Variants in SIAE observed in about 807,000 individuals in gnomAD.
SIAE encodes the protein sialate O-acetylesterase.
A neutral mutation model predicts 52.6 loss-of-function variants in SIAE; 39 were observed. That is an observed-to-expected ratio of 0.74 (90% CI 0.57 to 0.97). The LOEUF (loss-of-function observed/expected upper bound fraction) is 0.97, where lower values mean the gene tolerates loss of function less well. Ranked by LOEUF, SIAE falls within the 50% of genes least tolerant of loss-of-function variation. SIAE has a pLI of 0.00. For synonymous variants in SIAE, 233 were observed against 241.4 expected (o/e 0.97, Z 0.32); for missense variants, 592 against 662.1 (o/e 0.89, Z 1.16).
rs756737712 is a variant in SIAE, at chr11:124,633,140, T to TA, written c.*3810dup. 2 of 152,202 alleles carry TA rather than the reference T, an allele frequency of 1.3e-5. No individual in the cohort carries two copies. The highest frequency in any genetic ancestry group is 2.9e-5 in the Non-Finnish European group (2 of 68,070). The allele number at this position is 152,202 out of a possible 1,614,324, so 9.4% of individuals were successfully genotyped here. ...GGATCTTTAACCTCTTTAACCTTTG[T>TA]ATTGCACCTCAGATAATGTGCTTTT... On this transcript the variant is annotated 3_prime_UTR_variant, in exon 10 of 10. Transcript: ENST00000263593.
chr11:124,640,780 G>T (rs1366590183), intron 7 of SIAE, among the ~76,000 whole-genome samples: 1 of 152,228 alleles, frequency 6.6e-6, no homozygotes, highest in Non-Finnish European at 1.5e-5. Context: ...AACAGAAGCA[G>T]AAAGTATGGT....
upstream of SIAE, chr11:124,674,203 A>G (rs181458299): frequency 3.8e-5 from 6 of 156,576 alleles, no homozygotes; most frequent in East Asian, 9.4e-4. Flanking sequence ...TCACCACTCT[A>G]GAATGGTTCG....
At chr11:124,643,268 G>C (rs1282214677) in intron 7 of SIAE, among the ~76,000 whole-genome samples, 2 of 152,198 alleles carry the variant, frequency 1.3e-5, no homozygotes, top group African/African-American at 4.8e-5. Flanking sequence ...AGTGGCATAT[G>C]CAAGGCAGAG....
Position 124,649,800 on chromosome 11 carries a change from T to G in SIAE, c.545-4A>C. On this transcript the variant is annotated splice_polypyrimidine_tract_variant and splice_region_variant and intron_variant, in intron 4 of 9. Transcript: ENST00000263593. Reference sequence around the variant, plus strand: ...AAATATCCATGGCCTAAGTTTTCTGTTCAGAGAAATGGTTAAAGAAAAAGA... The same window carrying G: ...AAATATCCATGGCCTAAGTTTTCTGGTCAGAGAAATGGTTAAAGAAAAAGA... 1 of 1,614,066 alleles carries G rather than the reference T, an allele frequency of 6.2e-7. No individual in the cohort carries two copies. Among genetic ancestry groups the G allele is most frequent in the Non-Finnish European group, 8.5e-7 (1 of 1,179,978 alleles).
chr11:124,651,508 A>T (rs1943016400), intron 4 of SIAE, among the ~76,000 whole-genome samples: 1 of 151,512 alleles, frequency 6.6e-6, no homozygotes, highest in Admixed American at 6.6e-5. Flanking sequence ...AGATCGTGCC[A>T]CTGCACTCCA....
At chr11:124,647,945 G>A in intron 6 of SIAE, 121 bp downstream of exon 6, 1 of 825,490 alleles carries the variant, frequency 1.2e-6, no homozygotes, top group Non-Finnish European at 2.0e-6. Context: ...CTCACCCACA[G>A]AACAGTGAGC....
chr11:124,643,891 A>G (rs1285454690), intron 7 of SIAE, among the ~76,000 whole-genome samples: 1 of 152,170 alleles, frequency 6.6e-6, no homozygotes, highest in Non-Finnish European at 1.5e-5. Context: ...GTCTGACCCC[A>G]TCAGAGGACT....
At chr11:124,657,599 A>G (rs928651629) in intron 3 of SIAE, among the ~76,000 whole-genome samples, 1 of 152,232 alleles carries the variant, frequency 6.6e-6, no homozygotes, top group Non-Finnish European at 1.5e-5. Flanking sequence ...GCATTCTCCT[A>G]TATTGATACC....
intron 2 of SIAE, among the ~76,000 whole-genome samples, chr11:124,668,600 T>C (rs180811665): frequency 6.4e-4 from 97 of 152,330 alleles, no homozygotes; most frequent in Non-Finnish European, 1.1e-3. Context: ...GTTAATTCGT[T>C]TAATTCTCAC....
chr11:124,664,472 G>A (rs1943243453), intron 2 of SIAE, among the ~76,000 whole-genome samples: 1 of 152,094 alleles, frequency 6.6e-6, no homozygotes, highest in East Asian at 1.9e-4. Flanking sequence ...CTGACCTTGT[G>A]ATCCACCCAC....
At chr11:124,651,615 AC>A (rs1175898604) in intron 4 of SIAE, among the ~76,000 whole-genome samples, 6 of 152,144 alleles carry the variant, frequency 3.9e-5, no homozygotes, top group African/African-American at 1.4e-4. Context: ...GATGGTAAGT[AC>A]AAACAAGTAT....
At chr11:124,676,031 A>G (rs1181199923), upstream of SIAE, among the ~76,000 whole-genome samples, 1 of 152,232 alleles carries the variant, frequency 6.6e-6, no homozygotes, top group Non-Finnish European at 1.5e-5. Flanking sequence ...CCAGATGCCC[A>G]CTAACAATAA....
rs1165417133 is a variant in SIAE at position 124,633,195 on chromosome 11, C to T, written c.*3756G>A. 2.0e-5 allele frequency: 3 copies of T among 152,198 alleles called. No homozygotes were observed. The highest frequency in any genetic ancestry group is 7.2e-5 in the African/African-American group (3 of 41,444). The allele number at this position is 152,198 out of a possible 1,614,324, so 9.4% of individuals were successfully genotyped here. A position where few individuals can be genotyped will look rare whatever the true frequency, so the allele number is the denominator to read the frequency against. On this transcript the variant is annotated 3_prime_UTR_variant, in exon 10 of 10. Transcript: ENST00000263593. ...TCAGTACACTGAAACCATATGATAA[C>T]ACAAATTCACATATAATTGGGGGTT...
chr11:124,664,415 T>C (rs1379911100), intron 2 of SIAE, among the ~76,000 whole-genome samples: 1 of 152,070 alleles, frequency 6.6e-6, no homozygotes, highest in Non-Finnish European at 1.5e-5. Flanking sequence ...TTTTGTATTT[T>C]AGTAGAGACG....
At chr11:124,660,310 A>AG in intron 3 of SIAE, 1 of 345,550 alleles carries the variant, frequency 2.9e-6, no homozygotes. Context: ...AAAAAAAAAA[A>AG]AGCAAGAAAA....
chr11:124,637,123 G>A lies in SIAE; in HGVS notation c.1400C>T (p.Ala467Val), dbSNP rs7941523. The A allele has an allele frequency of 5.6e-3, 9,057 of 1,614,100 alleles. 227 individuals are homozygous for A. In the African/African-American group the frequency reaches 0.075, roughly 13 times the overall value. The change falls in exon 10 of 10, where the codon GCG (alanine) becomes GTG (valine). Residue 467 changes from alanine to valine, a missense_variant. By Grantham distance (64) the Ala-to-Val change is moderately conservative. Coordinates refer to ENST00000263593, the MANE Select transcript of SIAE (RefSeq NM_170601.5). ...CACAGTGCCATGACAAGAATCGATC[G>A]CCAGGGTCAGGGACTGGGTGGAGAC... is the stretch of plus-strand genomic sequence containing the variant. ...NTVSTQSLTL[A>V]IDSCHGTVVA...
At chr11:124,659,450 C>T (rs1317944139) in intron 3 of SIAE, 1 of 151,912 alleles carries the variant, frequency 6.6e-6, no homozygotes, top group Non-Finnish European at 1.5e-5. Flanking sequence ...GCATGGGTAA[C>T]ATAGCAAGAC....
chr11:124,657,731 GACCATTCCTTCTGT>G (rs1297009177), intron 3 of SIAE, among the ~76,000 whole-genome samples: 23 of 152,290 alleles, frequency 1.5e-4, no homozygotes, highest in African/African-American at 5.3e-4. Flanking sequence ...TGGGGGTGGG[GACCATTCCTTCTGT>G]ACCTGACAAC....
intron 7 of SIAE, among the ~76,000 whole-genome samples, chr11:124,646,193 G>A: frequency 6.6e-6 from 1 of 152,330 alleles, no homozygotes; most frequent in South Asian, 2.1e-4. Context: ...TTCTTTTTAT[G>A]CAAGGCTGAA....
Sources: allele counts gnomAD v4.1 joint callset (sites outside exome capture counted in the v4.1 genomes callset), GRCh38; gene constraint gnomAD v4.1.1; transcripts MANE v1.5; gene names NCBI Gene and HGNC (gene_info 2026-07-23, HGNC 2026-07-21).